STX8: variants seen among roughly 807,000 people sequenced by gnomAD.
The protein encoded by STX8 is syntaxin-8.
In STX8, 23 loss-of-function variants were observed where a neutral mutation model predicts 37.5. The ratio of observed to expected loss-of-function variants is 0.61; its 90% CI spans 0.44 to 0.87. The LOEUF is 0.87. Among genes scored for constraint, STX8 ranks in the 40% least tolerant of loss-of-function variants. The probability of loss-of-function intolerance (pLI) is 0.00; values close to 1 mark genes in which losing one functional copy is unlikely to be tolerated. For missense variants in STX8, 313 were observed against 284.7 expected (o/e 1.10, Z -0.71); for synonymous variants, 115 against 99.1 (o/e 1.16, Z -0.95).
At chr17:9,462,588 T>C (rs185835098) in intron 6 of STX8, among the ~76,000 whole-genome samples, 29 of 152,194 alleles carry the variant, frequency 1.9e-4, no homozygotes, top group Admixed American at 1.8e-3. Flanking sequence ...CTGGGCGTGG[T>C]GGCAGGTGCC....
intron 7 of STX8, among the ~76,000 whole-genome samples, chr17:9,364,214 A>G (rs561591750): frequency 5.3e-4 from 81 of 152,316 alleles, no homozygotes; most frequent in South Asian, 2.3e-3. Context: ...CGAGTCATAC[A>G]TTTTAGCTCC....
At chr17:9,372,779 ATT>A (rs72485507) in intron 7 of STX8, among the ~76,000 whole-genome samples, 1,530 of 109,546 alleles carry the variant, frequency 0.014, 25 homozygotes, top group African/African-American at 0.043. Context: ...CCCAGCCCTC[ATT>A]TTTTTTTTTT....
intron 4 of STX8, among the ~76,000 whole-genome samples, chr17:9,524,761 G>A (rs1044002354): frequency 7.3e-6 from 1 of 137,618 alleles, no homozygotes; most frequent in Admixed American, 7.4e-5. Context: ...CACCTATTTT[G>A]ATTTGTTTTG....
intron 6 of STX8, among the ~76,000 whole-genome samples, chr17:9,483,383 C>T (rs554875633): frequency 3.9e-5 from 6 of 152,294 alleles, no homozygotes; most frequent in African/African-American, 9.6e-5. Context: ...CGTTTGGGAT[C>T]GCACTTAGGG....
chr17:9,406,263 T>A (rs1912799193), intron 6 of STX8, among the ~76,000 whole-genome samples: 1 of 152,216 alleles, frequency 6.6e-6, no homozygotes, highest in Non-Finnish European at 1.5e-5. Context: ...TCACATTGTA[T>A]GGGTCCCATG....
At chr17:9,540,699 G>T (rs1355011676) in intron 4 of STX8, 1 of 152,156 alleles carries the variant, frequency 6.6e-6, no homozygotes, top group African/African-American at 2.4e-5. Flanking sequence ...CACTCCACAG[G>T]AGTCATTTCT....
At chr17:9,331,668 A>G (rs1479792840) in intron 7 of STX8, among the ~76,000 whole-genome samples, 1 of 152,194 alleles carries the variant, frequency 6.6e-6, no homozygotes, top group Non-Finnish European at 1.5e-5. Context: ...TGCATCGCCA[A>G]TGCTGCTTTC....
intron 6 of STX8, among the ~76,000 whole-genome samples, chr17:9,481,464 C>T (rs1310863455): frequency 6.6e-6 from 1 of 152,168 alleles, no homozygotes; most frequent in Non-Finnish European, 1.5e-5. Flanking sequence ...AACATCACTC[C>T]TGCCATAGCC....
At chr17:9,531,721 T>A (rs1057229020) in intron 4 of STX8, among the ~76,000 whole-genome samples, 4 of 152,212 alleles carry the variant, frequency 2.6e-5, no homozygotes, top group Non-Finnish European at 5.9e-5. Context: ...ACTCTTTATT[T>A]ATCTCTTCAG....
intron 6 of STX8, among the ~76,000 whole-genome samples, 182 bp downstream of exon 6, chr17:9,491,647 C>T (rs1372284348): frequency 6.6e-6 from 1 of 152,186 alleles, no homozygotes; most frequent in African/African-American, 2.4e-5. Context: ...AATTTCTTTG[C>T]ATAGTATTTA....
At chr17:9,324,124 T>TCACACA (rs1371111803) in intron 7 of STX8, among the ~76,000 whole-genome samples, 1 of 134,172 alleles carries the variant, frequency 7.5e-6, no homozygotes, top group Admixed American at 8.2e-5. Flanking sequence ...TCTCTCTCTC[T>TCACACA]CTCACACACA....
At chr17:9,575,702 C>A in intron 1 of STX8, 90 bp downstream of exon 1, 2 of 1,484,574 alleles carry the variant, frequency 1.3e-6, no homozygotes, top group African/African-American at 2.8e-5. Context: ...GAAAGGCCAC[C>A]AGCGGCAATG....
At position 9,559,737 on chromosome 17, in the gene STX8, T is replaced by TATATATATATATAC. The variant is rs1277978200; in HGVS notation, c.118-2210_118-2209insGTATATATATATAT. ...CAACTGAAAGATTATTATTATTTTA[T>TATATATATATATAC]ATATATATATATATATATATATATT... On this transcript the variant is annotated intron_variant, in intron 2 of 7. Coordinates refer to ENST00000306357, the MANE Select transcript of STX8 (RefSeq NM_004853.3). Among the ~76,000 whole-genome samples the TATATATATATATAC allele has an allele frequency of 7.0e-4, 17 of 24,284 alleles. 1 individual carries two copies. Among genetic ancestry groups the TATATATATATATAC allele is most frequent in the East Asian group, 0.013 (2 of 150 alleles). 15.9% of individuals were successfully genotyped at this position (24,284 alleles called of 152,430 possible).
intron 6 of STX8, among the ~76,000 whole-genome samples, chr17:9,424,996 T>C (rs562919102): frequency 7.2e-5 from 11 of 152,260 alleles, no homozygotes; most frequent in Non-Finnish European, 1.6e-4. Context: ...TCATCTCCAA[T>C]TGGGGAAACT....
At chr17:9,542,928 G>A (rs1350729395) in intron 4 of STX8, among the ~76,000 whole-genome samples, 1 of 152,088 alleles carries the variant, frequency 6.6e-6, no homozygotes, top group Non-Finnish European at 1.5e-5. Context: ...GGTGACAAAG[G>A]CAGGCAAGCG....
intron 6 of STX8, among the ~76,000 whole-genome samples, chr17:9,407,176 A>G (rs1912830461): frequency 6.6e-6 from 1 of 152,200 alleles, no homozygotes; most frequent in South Asian, 2.1e-4. Flanking sequence ...TGCCATGATC[A>G]GAACTATATT....
At chr17:9,500,109 TG>T (rs1697478142) in intron 5 of STX8, among the ~76,000 whole-genome samples, 3 of 152,220 alleles carry the variant, frequency 2.0e-5, no homozygotes, top group Admixed American at 2.0e-4. Context: ...AATATGGTAA[TG>T]GGTGAAGTAT....
rs1292386005 is a variant in STX8 at position 9,297,395 on chromosome 17, C to G, written c.644-46750G>C. ...ACTTAATGGAATGATTCTTCATCTA[C>G]TTAAAATGCCAAGGAAGCTTAGAGT... On this transcript the variant is annotated intron_variant, in intron 7 of 7. Coordinates refer to ENST00000306357, the MANE Select transcript of STX8 (RefSeq NM_004853.3). 5.9e-5 allele frequency among the ~76,000 whole-genome samples: 9 copies of G among 152,280 alleles called. No homozygotes were observed. The East Asian group carries it at 1.7e-3, about 29-fold the overall frequency.
chr17:9,556,105 G>C (rs1906954953), intron 3 of STX8, among the ~76,000 whole-genome samples: 1 of 152,150 alleles, frequency 6.6e-6, no homozygotes. Flanking sequence ...TGAAACCTTA[G>C]TGGATCCGTA....
Sources: allele counts gnomAD v4.1 joint callset (sites outside exome capture counted in the v4.1 genomes callset), GRCh38; gene constraint gnomAD v4.1.1; transcripts MANE v1.5; gene names NCBI Gene and HGNC (gene_info 2026-07-23, HGNC 2026-07-21).